The following MRPL21 variants were observed in gnomAD, a reference collection of about 807,000 sequenced individuals.
MRPL21 encodes mitochondrial ribosomal protein L21, also known as large ribosomal subunit protein bL21m.
In MRPL21, 20 loss-of-function variants were observed where a neutral mutation model predicts 27.3. The ratio of observed to expected loss-of-function variants is 0.73; its 90% confidence interval spans 0.52 to 1.06. The LOEUF is 1.06. Ranked by LOEUF, MRPL21 falls within the 50% of genes least tolerant of loss-of-function variation. The pLI is 0.00. For missense variants in MRPL21, 249 were observed against 251.4 expected (o/e 0.99, Z 0.06); for synonymous variants, 98 against 101.5 (o/e 0.97, Z 0.21).
At chr11:68,899,443 G>A (rs1278043568) in intron 2 of MRPL21, among the ~76,000 whole-genome samples, 1 of 152,180 alleles carries the variant, frequency 6.6e-6, no homozygotes, top group Non-Finnish European at 1.5e-5. Context: ...CACCAATCTG[G>A]GAGAGGAATG....
chr11:68,899,345 C>T (rs191396867), intron 2 of MRPL21, among the ~76,000 whole-genome samples: 7 of 152,278 alleles, frequency 4.6e-5, no homozygotes, highest in South Asian at 2.1e-4. Context: ...AGGAAGAAAA[C>T]GACTTGCTCC....
At chr11:68,899,816 C>T (rs1426349335) in intron 2 of MRPL21, among the ~76,000 whole-genome samples, 2 of 152,238 alleles carry the variant, frequency 1.3e-5, no homozygotes, top group African/African-American at 4.8e-5. Context: ...GCAGCAGTTC[C>T]AGCAGCCAAT....
In MRPL21 at chr11:68,898,005, G is replaced by T. The variant is rs773363270; in HGVS notation, c.154C>A (p.Pro52Thr). The change falls in exon 3 of 7, where the codon CCT becomes ACT. Residue 52 changes from proline (P) to threonine (T), a missense_variant. By Grantham distance (38) the Pro-to-Thr change is conservative. Coordinates refer to ENST00000362034, the MANE Select transcript of MRPL21 (RefSeq NM_181514.2). ...QSTSYLPGYV[P>T]KTSLSSPPWP... ...GGTGGTGAACTCAGGGATGTTTTAGGAACATATCTGTAAAACACATTTCGT... is the reference window on the plus strand; with the variant it reads ...GGTGGTGAACTCAGGGATGTTTTAGTAACATATCTGTAAAACACATTTCGT... 1.2e-5 allele frequency: 20 copies of T among 1,613,656 alleles called. No individual in the cohort carries two copies. Among genetic ancestry groups the T allele is most frequent in the Non-Finnish European group, 1.7e-5 (20 of 1,179,548 alleles).
intron 1 of MRPL21, among the ~76,000 whole-genome samples, chr11:68,902,686 C>G (rs1265894047): frequency 4.6e-5 from 7 of 152,188 alleles, no homozygotes; most frequent in Non-Finnish European, 4.4e-5. Context: ...ATTAGGGGTT[C>G]ACCCTTGGTA....
At position 68,896,603 on chromosome 11, in the gene MRPL21, C is replaced by A; in HGVS notation, c.308G>T (p.Ser103Ile). The change falls in exon 4 of 7, where the codon AGC becomes ATC. Residue 103 changes from serine to isoleucine, a missense_variant. Transcript: ENST00000362034. ...TTCAGAGGTCACCTTCCACTGGCGGCTGGCAAAGTGCACCACGGCAAAGAG... is the reference window on the plus strand; with the variant it reads ...TTCAGAGGTCACCTTCCACTGGCGGATGGCAAAGTGCACCACGGCAAAGAG... ...GRLFAVVHFA[S>I]RQWKVTSEDL... The A allele has an allele frequency of 1.9e-6, 3 of 1,614,236 alleles. No homozygotes were observed. The highest frequency in any genetic ancestry group is 2.5e-6 in the Non-Finnish European group (3 of 1,180,036).
rs1166716841 is a variant in MRPL21, at chr11:68,892,993, T to C, written c.450A>G (p.Gly150=). 1.3e-6 allele frequency: 2 copies of C among 1,569,334 alleles called. No individual in the cohort carries two copies. Among genetic ancestry groups the C allele is most frequent in the Non-Finnish European group, 1.7e-6 (2 of 1,160,858 alleles). ...NFTLLGKPLL[G]KDLVRVEATV... ...TGGCTTCTACTCGAACAAGATCCTTTCTAGAAGGAAGAAAAATCAACAATA... is the reference window on the plus strand; with the variant it reads ...TGGCTTCTACTCGAACAAGATCCTTCCTAGAAGGAAGAAAAATCAACAATA... Residue 150 remains glycine, a splice_region_variant and synonymous_variant, in exon 6 of 7, where the codon GGA becomes GGG. Coordinates refer to ENST00000362034, the MANE Select transcript of MRPL21 (RefSeq NM_181514.2).
Position 68,891,288 on chromosome 11 carries a change from G to T in MRPL21, c.*43C>A. On this transcript the variant is annotated 3_prime_UTR_variant, in exon 7 of 7. Transcript: ENST00000362034. ...CACAGAAACCTGGTCTCCTTGGGAA[G>T]CAGGAGTTTATTTTTATCCTTTTGT... 6.3e-7 allele frequency: 1 copy of T among 1,584,244 alleles called. No homozygotes were observed. The highest frequency in any genetic ancestry group is 8.7e-7 in the Non-Finnish European group (1 of 1,153,020).
At chr11:68,899,988 C>G (rs900211279) in intron 2 of MRPL21, among the ~76,000 whole-genome samples, 1 of 152,176 alleles carries the variant, frequency 6.6e-6, no homozygotes, top group South Asian at 2.1e-4. Flanking sequence ...AACTGCACCC[C>G]GGGGGGGTCC....
chr11:68,894,889 A>T (rs1323790080), intron 4 of MRPL21, among the ~76,000 whole-genome samples: 1 of 152,236 alleles, frequency 6.6e-6, no homozygotes, highest in African/African-American at 2.4e-5. Flanking sequence ...GCTTTAATTC[A>T]TAAAGAAAAC....
At chr11:68,901,394 T>C (rs1463765443) in intron 1 of MRPL21, among the ~76,000 whole-genome samples, 1 of 152,038 alleles carries the variant, frequency 6.6e-6, no homozygotes, top group African/African-American at 2.4e-5. Flanking sequence ...AGATAACGCA[T>C]ACACCAGGAA....
intron 2 of MRPL21, among the ~76,000 whole-genome samples, chr11:68,899,980 C>T (rs1447743623): frequency 6.6e-6 from 1 of 152,242 alleles, no homozygotes; most frequent in African/African-American, 2.4e-5. Context: ...GCAGCCGGAA[C>T]TGCACCCCGG....
chr11:68,894,831 T>G (rs1024022926), intron 4 of MRPL21, among the ~76,000 whole-genome samples: 3 of 152,254 alleles, frequency 2.0e-5, no homozygotes, highest in African/African-American at 7.2e-5. Context: ...GAATTTTTTG[T>G]TAATGTGAAA....
At chr11:68,894,584 C>T (rs1186665824) in intron 4 of MRPL21, among the ~76,000 whole-genome samples, 2 of 152,176 alleles carry the variant, frequency 1.3e-5, no homozygotes, top group African/African-American at 4.8e-5. Flanking sequence ...GCACGGCCTA[C>T]AGTGTTTTTA....
At chr11:68,891,917 TC>T in intron 6 of MRPL21, 1 of 523,192 alleles carries the variant, frequency 1.9e-6, no homozygotes, top group Non-Finnish European at 3.1e-6. Flanking sequence ...GTGGGTGCCA[TC>T]CCTCAGGATG....
intron 1 of MRPL21, among the ~76,000 whole-genome samples, chr11:68,900,961 CCT>C (rs573352327): frequency 2.0e-4 from 30 of 152,342 alleles, no homozygotes; most frequent in South Asian, 8.3e-4. Context: ...TATTCTTACC[CCT>C]GTTAGCCCCC....
At chr11:68,902,901 T>A (rs1014371511) in intron 1 of MRPL21, among the ~76,000 whole-genome samples, 5 of 152,174 alleles carry the variant, frequency 3.3e-5, no homozygotes, top group Non-Finnish European at 7.3e-5. Flanking sequence ...ATACAAGATG[T>A]CCCCTTTTCA....
chr11:68,895,861 A>T (rs1482715052), intron 4 of MRPL21, among the ~76,000 whole-genome samples: 1 of 152,124 alleles, frequency 6.6e-6, no homozygotes, highest in East Asian at 1.9e-4. Flanking sequence ...AGTAGAGATG[A>T]GGTCTCTGAG....
intron 6 of MRPL21, 191 bp from the exon 7 acceptor site, chr11:68,891,586 C>T: frequency 3.1e-6 from 2 of 636,324 alleles, no homozygotes; most frequent in Non-Finnish European, 5.7e-6. Flanking sequence ...TTGGCAGGTG[C>T]AGAGGCTGGG....
At chr11:68,899,248 G>A (rs186506690) in intron 2 of MRPL21, among the ~76,000 whole-genome samples, 11 of 152,150 alleles carry the variant, frequency 7.2e-5, no homozygotes, top group Admixed American at 3.3e-4. Flanking sequence ...ATCCCAAACC[G>A]AATTATTCAG....
Sources: allele counts gnomAD v4.1 joint callset (sites outside exome capture counted in the v4.1 genomes callset), GRCh38; gene constraint gnomAD v4.1.1; transcripts MANE v1.5; gene names NCBI Gene and HGNC (gene_info 2026-07-23, HGNC 2026-07-21).